The following COLGALT2 variants were observed in gnomAD, a reference collection of about 807,000 sequenced individuals.
COLGALT2 encodes collagen beta(1-O)galactosyltransferase 2.
A neutral mutation model predicts 73.4 loss-of-function variants in COLGALT2; 49 were observed. That is an observed-to-expected ratio of 0.67 (90% CI 0.53 to 0.85). The LOEUF is 0.85. COLGALT2 is among the 40% of genes least tolerant of loss of function. The pLI, the probability that COLGALT2 is intolerant of heterozygous loss-of-function variation, is 0.00. For synonymous variants in COLGALT2, 295 were observed against 307.6 expected (o/e 0.96, Z 0.43); for missense variants, 722 against 790.2 (o/e 0.91, Z 1.03).
At chr1:184,004,168 G>A (rs1259784427) in intron 1 of COLGALT2, among the ~76,000 whole-genome samples, 1 of 152,070 alleles carries the variant, frequency 6.6e-6, no homozygotes, top group Non-Finnish European at 1.5e-5. Flanking sequence ...TAAAATCCAT[G>A]TCTAGTTTAT....
chr1:184,022,749 G>A (rs1381659837), intron 1 of COLGALT2, among the ~76,000 whole-genome samples: 1 of 152,198 alleles, frequency 6.6e-6, no homozygotes, highest in Non-Finnish European at 1.5e-5. Context: ...TTCAAAATCT[G>A]TTTTGCCTCA....
chr1:183,937,739 A>G lies in COLGALT2; in HGVS notation c.*1022T>C, dbSNP rs771256404. 2 of 985,418 alleles carry G rather than the reference A, an allele frequency of 2.0e-6. No homozygotes were observed. Among genetic ancestry groups the G allele is most frequent in the African/African-American group, 1.7e-5 (1 of 57,364 alleles). The allele number at this position is 985,418 out of a possible 1,614,324, so 61.0% of individuals were successfully genotyped here. On this transcript the variant is annotated 3_prime_UTR_variant, in exon 12 of 12. Transcript: ENST00000361927. Reference sequence around the variant, plus strand: ...TGTTTCTCTGCCTTATCCTAAAGACAATATCTTCGCCCATTTTGTAAAATA... The same window carrying G: ...TGTTTCTCTGCCTTATCCTAAAGACGATATCTTCGCCCATTTTGTAAAATA...
chr1:183,984,868 C>T (rs1462289354), intron 1 of COLGALT2, among the ~76,000 whole-genome samples: 3 of 152,184 alleles, frequency 2.0e-5, no homozygotes, highest in African/African-American at 7.2e-5. Flanking sequence ...GATCACAGCA[C>T]ATGTAGGGAT....
At chr1:183,950,236 C>T (rs777641813) in intron 8 of COLGALT2, among the ~76,000 whole-genome samples, 19 of 152,178 alleles carry the variant, frequency 1.2e-4, no homozygotes, top group African/African-American at 2.9e-4. Context: ...CTTAACCATC[C>T]GTGGGGACTC....
chr1:183,996,532 C>G lies in COLGALT2; in HGVS notation c.264-18012G>C, dbSNP rs2102834679. ...GAGCTCTGAAAAGGGGTATTTTCTG[C>G]CAAGTTATCTATCCTCAGACAAAAG... On this transcript the variant is annotated intron_variant, in intron 1 of 11. Transcript: ENST00000361927. Among the ~76,000 whole-genome samples the G allele has an allele frequency of 1.3e-5, 2 of 152,274 alleles. 1 individual carries two copies. The highest frequency in any genetic ancestry group is 4.1e-4 in the South Asian group (2 of 4,824).
Position 184,037,273 on chromosome 1 carries a change from A to G in COLGALT2, c.85T>C (p.Phe29Leu). 1 of 1,558,390 alleles carries G rather than the reference A, an allele frequency of 6.4e-7. No homozygotes were observed. Among genetic ancestry groups the G allele is most frequent in the Non-Finnish European group, 8.7e-7 (1 of 1,153,776 alleles). ...TCCTCCGAGTCCCGCTCGGCGACGA[A>G]GCGCGCTCGGCAGCCTTCGCGGAGC... The part of the protein sequence containing the change: ...ALLREGCRAR[F>L]VAERDSEDDG... The change falls in exon 1 of 12, where the codon TTC (phenylalanine) becomes CTC (leucine). Residue 29 changes from phenylalanine to leucine, a missense_variant. Transcript: ENST00000361927.
intron 1 of COLGALT2, among the ~76,000 whole-genome samples, chr1:184,014,910 A>G (rs1220416190): frequency 6.6e-6 from 1 of 152,192 alleles, no homozygotes; most frequent in Non-Finnish European, 1.5e-5. Flanking sequence ...AAGTAGATCT[A>G]GAAGAGTAAA....
At chr1:183,943,235 A>G (rs1670161414) in intron 10 of COLGALT2, among the ~76,000 whole-genome samples, 1 of 152,222 alleles carries the variant, frequency 6.6e-6, no homozygotes, top group South Asian at 2.1e-4. Context: ...TGAGGGAACA[A>G]GTATTCCACC....
In COLGALT2 at chr1:184,030,630, G is replaced by A. The variant is rs2148680; in HGVS notation, c.263+6465C>T. On this transcript the variant is annotated intron_variant, in intron 1 of 11. Transcript: ENST00000361927. Reference sequence around the variant, plus strand: ...CCTTCTCAGTTACAAGGCATTCATTGTTCATTCCTATGACCACCAGAAACA... The same window carrying A: ...CCTTCTCAGTTACAAGGCATTCATTATTCATTCCTATGACCACCAGAAACA... Among the ~76,000 whole-genome samples, 608 of 152,272 alleles carry A rather than the reference G, an allele frequency of 4.0e-3. 4 individuals are homozygous for A. Among genetic ancestry groups the A allele is most frequent in the African/African-American group, 0.014 (573 of 41,550 alleles).
chr1:184,016,837 G>A (rs1409666859), intron 1 of COLGALT2, among the ~76,000 whole-genome samples: 1 of 152,160 alleles, frequency 6.6e-6, no homozygotes, highest in Non-Finnish European at 1.5e-5. Flanking sequence ...ACATATTGCT[G>A]TTAATTTACT....
intron 1 of COLGALT2, among the ~76,000 whole-genome samples, chr1:183,994,615 C>T (rs766595562): frequency 2.0e-5 from 3 of 152,046 alleles, no homozygotes; most frequent in Admixed American, 6.5e-5. Flanking sequence ...CCACCATGCC[C>T]GGCCAATTTT....
At chr1:183,950,306 T>C (rs1249762711) in intron 8 of COLGALT2, among the ~76,000 whole-genome samples, 2 of 152,082 alleles carry the variant, frequency 1.3e-5, no homozygotes, top group African/African-American at 2.4e-5. Flanking sequence ...AAGGGAGTCA[T>C]AAAAACTTCA....
At chr1:183,931,447 T>C (rs188773974), downstream of COLGALT2, among the ~76,000 whole-genome samples, 109 of 152,278 alleles carry the variant, frequency 7.2e-4, no homozygotes, top group Admixed American at 4.8e-3. Flanking sequence ...AAGATGATTA[T>C]TGTGAGTTAG....
Position 183,973,532 on chromosome 1 carries a change from A to G in COLGALT2, c.627+84T>C. ...CACGCATGTTTCAAGGGAGTAAACAAGAGAAAGGTGAATGGGACTACTGTT... is the reference window on the plus strand; with the variant it reads ...CACGCATGTTTCAAGGGAGTAAACAGGAGAAAGGTGAATGGGACTACTGTT... On this transcript the variant is annotated intron_variant, in intron 4 of 11. Transcript: ENST00000361927. The G allele has an allele frequency of 3.9e-6, 6 of 1,540,138 alleles. 1 individual carries two copies. In the South Asian group the frequency reaches 5.8e-5, roughly 15 times the overall value.
At chr1:183,972,920 C>G (rs1671087008) in intron 4 of COLGALT2, among the ~76,000 whole-genome samples, 1 of 152,138 alleles carries the variant, frequency 6.6e-6, no homozygotes, top group African/African-American at 2.4e-5. Context: ...AGGATGGTCT[C>G]AATCTCCTGA....
At chr1:183,939,182 C>G in intron 11 of COLGALT2, 145 bp from the exon 12 acceptor site, 2 of 633,938 alleles carry the variant, frequency 3.2e-6, no homozygotes. Flanking sequence ...CTTTAGCCTA[C>G]AAACACAAAT....
chr1:183,955,465 G>C (rs930270751), intron 6 of COLGALT2, among the ~76,000 whole-genome samples: 5 of 152,168 alleles, frequency 3.3e-5, no homozygotes, highest in Admixed American at 6.6e-5. Context: ...GTGCGCAAAA[G>C]GTCCATTGCT....
At position 183,935,991 on chromosome 1, in the gene COLGALT2, C is replaced by A. The variant is rs1185435717; in HGVS notation, c.*2770G>T. On this transcript the variant is annotated 3_prime_UTR_variant, in exon 12 of 12. Coordinates refer to ENST00000361927, the MANE Select transcript of COLGALT2 (RefSeq NM_015101.4). ...AGCTCCTGCAGCAGGCCTGAATGAA[C>A]CGCAAGCGGGGCCCATGCAGCGTGT... The A allele has an allele frequency of 2.0e-6, 2 of 980,504 alleles. No individual in the cohort carries two copies. Among genetic ancestry groups the A allele is most frequent in the Non-Finnish European group, 2.4e-6 (2 of 827,654 alleles). 60.7% of individuals were successfully genotyped at this position (980,504 alleles called of 1,614,324 possible).
chr1:183,963,369 A>C (rs1396997609), intron 6 of COLGALT2, among the ~76,000 whole-genome samples: 2 of 152,222 alleles, frequency 1.3e-5, no homozygotes, highest in Non-Finnish European at 2.9e-5. Context: ...CAACAATGAA[A>C]CAGTTTTGTA....
Sources: allele counts gnomAD v4.1 joint callset (sites outside exome capture counted in the v4.1 genomes callset), GRCh38; gene constraint gnomAD v4.1.1; transcripts MANE v1.5; gene names NCBI Gene and HGNC (gene_info 2026-07-23, HGNC 2026-07-21).